Variants in MCTP1 observed in about 807,000 individuals in gnomAD.
MCTP1 encodes the protein multiple C2 and transmembrane domain containing 1, also known as multiple C2 and transmembrane domain-containing protein 1.
A neutral mutation model predicts 120.6 loss-of-function variants in MCTP1; 69 were observed. The observed-to-expected ratio is 0.57, with a 90% CI of 0.47 to 0.70. MCTP1 has a LOEUF of 0.70. Ranked by LOEUF, MCTP1 falls within the 30% of genes least tolerant of loss-of-function variation. The pLI, the probability that MCTP1 is intolerant of heterozygous loss-of-function variation, is 0.00. For synonymous variants in MCTP1, 529 were observed against 493.1 expected (o/e 1.07, Z -0.96); for missense variants, 1,203 against 1,248.8 (o/e 0.96, Z 0.55).
At chr5:95,047,876 A>C (rs1434558527) in intron 1 of MCTP1, among the ~76,000 whole-genome samples, 1 of 152,154 alleles carries the variant, frequency 6.6e-6, no homozygotes, top group Non-Finnish European at 1.5e-5. Flanking sequence ...AGATATTCAA[A>C]CATGGATTAA....
In MCTP1 at chr5:94,706,540, A is replaced by G. The variant is rs1191217853; in HGVS notation, c.*956T>C. On this transcript the variant is annotated 3_prime_UTR_variant, in exon 23 of 23. Transcript: ENST00000515393. ...TTCACACTAATAACAAAATCATAGT[A>G]TGAATTAAAGCATTTCAGTAATCTA... 3 of 150,974 alleles carry G rather than the reference A, an allele frequency of 2.0e-5. No homozygotes were observed. The highest frequency in any genetic ancestry group is 3.0e-5 in the Non-Finnish European group (2 of 67,674). The allele number at this position is 150,974 out of a possible 1,614,324, so 9.4% of individuals were successfully genotyped here.
intron 1 of MCTP1, among the ~76,000 whole-genome samples, chr5:95,145,545 C>G (rs1178529407): frequency 6.6e-6 from 1 of 151,948 alleles, no homozygotes; most frequent in South Asian, 2.1e-4. Context: ...ATGAATGGCT[C>G]TTATTATTTT....
intron 2 of MCTP1, among the ~76,000 whole-genome samples, chr5:95,000,706 ATATTT>A (rs1335208953): frequency 1.3e-5 from 2 of 152,224 alleles, no homozygotes; most frequent in Non-Finnish European, 2.9e-5. Context: ...TAAAAATTAA[ATATTT>A]TATAAGTTAA....
At chr5:94,994,104 T>G (rs2153622263) in intron 2 of MCTP1, among the ~76,000 whole-genome samples, 1 of 152,330 alleles carries the variant, frequency 6.6e-6, no homozygotes, top group East Asian at 1.9e-4. Context: ...CATGGCAATT[T>G]GAGCTCAGGT....
At chr5:95,148,934 A>G (rs111598819) in intron 1 of MCTP1, among the ~76,000 whole-genome samples, 185 of 152,266 alleles carry the variant, frequency 1.2e-3, no homozygotes, top group African/African-American at 4.3e-3. Context: ...CTTAATTTTC[A>G]CAGGCACTGT....
chr5:95,040,387 T>G (rs966355839), intron 1 of MCTP1, among the ~76,000 whole-genome samples: 1 of 150,952 alleles, frequency 6.6e-6, no homozygotes, highest in South Asian at 2.1e-4. Context: ...TGCAGCAAGC[T>G]GAGATGGTGC....
intron 1 of MCTP1, among the ~76,000 whole-genome samples, chr5:95,104,720 T>A (rs1756969599): frequency 6.6e-6 from 1 of 152,212 alleles, no homozygotes; most frequent in African/African-American, 2.4e-5. Context: ...CAAGAACATA[T>A]ATTAATATAT....
At chr5:94,975,647 C>T (rs1827932648) in intron 2 of MCTP1, among the ~76,000 whole-genome samples, 1 of 151,916 alleles carries the variant, frequency 6.6e-6, no homozygotes, top group Admixed American at 6.6e-5. Flanking sequence ...TCTGCAGACT[C>T]ATCTCTCAAC....
At chr5:95,132,182 T>C (rs1341894551) in intron 1 of MCTP1, among the ~76,000 whole-genome samples, 1 of 152,208 alleles carries the variant, frequency 6.6e-6, no homozygotes, top group Non-Finnish European at 1.5e-5. Flanking sequence ...CTCATTACAG[T>C]CACCAGAATT....
intron 12 of MCTP1, chr5:94,877,926 T>C (rs1363829021): frequency 6.6e-6 from 1 of 152,140 alleles, no homozygotes; most frequent in African/African-American, 2.4e-5. Context: ...TGATGTGTTA[T>C]AAAAATGTGT....
At chr5:95,081,696 G>A (rs764839822) in intron 1 of MCTP1, 282 of 1,287,476 alleles carry the variant, frequency 2.2e-4, no homozygotes, top group Admixed American at 1.0e-3. Context: ...TAGATTCACA[G>A]GATATGACTC....
intron 21 of MCTP1, chr5:94,708,871 T>G (rs925949038): frequency 1.7e-5 from 5 of 287,466 alleles, no homozygotes; most frequent in African/African-American, 6.5e-5. Context: ...AATATCTTGG[T>G]TTTTTTTCCC....
chr5:95,269,285 G>A (rs1347293850), intron 1 of MCTP1, among the ~76,000 whole-genome samples: 3 of 152,028 alleles, frequency 2.0e-5, no homozygotes, highest in Non-Finnish European at 4.4e-5. Context: ...ACCCCAAATG[G>A]ACATCTTTAC....
intron 13 of MCTP1, among the ~76,000 whole-genome samples, chr5:94,872,302 C>T (rs769055867): frequency 6.6e-6 from 1 of 151,950 alleles, no homozygotes; most frequent in African/African-American, 2.4e-5. Context: ...AAACACTCTC[C>T]GCAATCTTCT....
chr5:94,916,494 G>T (rs1056916309), intron 8 of MCTP1, among the ~76,000 whole-genome samples: 1 of 152,180 alleles, frequency 6.6e-6, no homozygotes, highest in African/African-American at 2.4e-5. Context: ...CATAAACAAT[G>T]AAGATTTAGC....
chr5:95,113,416 C>T (rs1401640718), intron 1 of MCTP1, among the ~76,000 whole-genome samples: 1 of 151,992 alleles, frequency 6.6e-6, no homozygotes, highest in African/African-American at 2.4e-5. Flanking sequence ...GACACCACCC[C>T]TCCCCCATCC....
At chr5:94,801,901 C>G (rs1781315105) in intron 17 of MCTP1, among the ~76,000 whole-genome samples, 1 of 152,162 alleles carries the variant, frequency 6.6e-6, no homozygotes, top group African/African-American at 2.4e-5. Context: ...TAGGCACTTC[C>G]CCATTGTAGT....
chr5:94,759,937 A>T (rs1580524815), intron 19 of MCTP1, among the ~76,000 whole-genome samples: 1 of 142,400 alleles, frequency 7.0e-6, no homozygotes, highest in South Asian at 2.3e-4. Flanking sequence ...AGAGTGACAG[A>T]GCTGGAATAC....
At chr5:95,230,253 C>T (rs1377091405) in intron 1 of MCTP1, among the ~76,000 whole-genome samples, 1 of 146,514 alleles carries the variant, frequency 6.8e-6, no homozygotes, top group Admixed American at 6.8e-5. Context: ...TATATACACA[C>T]ACGCACACAA....
Sources: allele counts gnomAD v4.1 joint callset (sites outside exome capture counted in the v4.1 genomes callset), GRCh38; gene constraint gnomAD v4.1.1; transcripts MANE v1.5; gene names NCBI Gene and HGNC (gene_info 2026-07-23, HGNC 2026-07-21).